Variants in TMEM39B observed in about 807,000 individuals in gnomAD.
TMEM39B encodes transmembrane protein 39B.
TMEM39B carries 23 observed loss-of-function variants against 52.2 expected under a neutral mutation model. The observed-to-expected ratio is 0.44, with a 90% confidence interval of 0.32 to 0.62. The LOEUF (loss-of-function observed/expected upper bound fraction) is 0.62. Among genes scored for constraint, TMEM39B ranks in the 20% least tolerant of loss-of-function variants. TMEM39B has a pLI of 0.06. For missense variants in TMEM39B, 547 were observed against 642.0 expected, an observed-to-expected ratio of 0.85 and a Z score of 1.60; for synonymous variants, 285 against 264.0, an observed-to-expected ratio of 1.08 and a Z score of -0.77.
intron 8 of TMEM39B, 151 bp downstream of exon 8, chr1:32,100,713 C>A: frequency 9.2e-7 from 1 of 1,091,090 alleles, no homozygotes; most frequent in African/African-American, 1.5e-5. Flanking sequence ...CAAGGACAGC[C>A]ATATAAATTG....
At chr1:32,096,633 A>G (rs1321603594) in intron 7 of TMEM39B, among the ~76,000 whole-genome samples, 1 of 150,534 alleles carries the variant, frequency 6.6e-6, no homozygotes, top group East Asian at 2.0e-4. Context: ...GCTAATTTTT[A>G]CGTTTTTAGT....
intron 7 of TMEM39B, among the ~76,000 whole-genome samples, chr1:32,097,679 C>G (rs1640863516): frequency 6.6e-6 from 1 of 151,552 alleles, no homozygotes; most frequent in African/African-American, 2.4e-5. Context: ...GAGTCTCGCT[C>G]TGTCGCCCAG....
Position 32,091,757 on chromosome 1 carries a change from C to G in TMEM39B, c.673C>G (p.Pro225Ala). 1 of 1,614,190 alleles carries G rather than the reference C, an allele frequency of 6.2e-7. No individual in the cohort carries two copies. The highest frequency in any genetic ancestry group is 8.5e-7 in the Non-Finnish European group (1 of 1,180,036). The change falls in exon 6 of 9, where the codon CCC becomes GCC. Residue 225 changes from proline to alanine, a missense_variant. By Grantham distance (27) the Pro-to-Ala change is conservative. Coordinates refer to ENST00000336294, the MANE Select transcript of TMEM39B (RefSeq NM_018056.4). ...CTTCAACCACATGGCCTCCATGGGG[C>G]CCCGGGAGGCGGTCAGTGGCCTGGC... ...SLFNHMASMG[P>A]REAVSGLAKS...
chr1:32,084,095 A>G (rs920510229), intron 5 of TMEM39B, among the ~76,000 whole-genome samples: 1 of 152,152 alleles, frequency 6.6e-6, no homozygotes, highest in Non-Finnish European at 1.5e-5. Flanking sequence ...AGTTTGCTTC[A>G]TGTTTACACC....
intron 1 of TMEM39B, chr1:32,073,856 T>C (rs988372085): frequency 1.0e-6 from 1 of 985,310 alleles, no homozygotes; most frequent in African/African-American, 1.7e-5. Flanking sequence ...TGGAGGCTGC[T>C]GTGTTACTGT....
chr1:32,072,893 G>A, upstream of TMEM39B: 3 of 1,039,420 alleles, frequency 2.9e-6, no homozygotes, highest in Non-Finnish European at 4.0e-6. Flanking sequence ...CCAGCTTCCA[G>A]CCCGCCTTGT....
chr1:32,077,572 A>G (rs1639920281), intron 5 of TMEM39B, among the ~76,000 whole-genome samples: 2 of 152,250 alleles, frequency 1.3e-5, no homozygotes, highest in South Asian at 4.1e-4. Context: ...CTGCATATAT[A>G]TCCCAAAGGA....
chr1:32,088,497 G>C (rs544365994), intron 5 of TMEM39B, among the ~76,000 whole-genome samples: 4 of 151,300 alleles, frequency 2.6e-5, no homozygotes, highest in African/African-American at 9.7e-5. Context: ...TTCTTCGTCT[G>C]TCATCATGTC....
chr1:32,092,016 G>A lies in TMEM39B; in HGVS notation c.927+5G>A, dbSNP rs981049469. ...GTGCCTGTCTGGTTCGTGAAGGTGCGTACCTCAAGCCAGGGAGGGAAAGGG... is the reference window on the plus strand; with the variant it reads ...GTGCCTGTCTGGTTCGTGAAGGTGCATACCTCAAGCCAGGGAGGGAAAGGG... On this transcript the variant is annotated splice_donor_5th_base_variant and intron_variant, in intron 6 of 8. Transcript: ENST00000336294. 1.9e-5 allele frequency: 31 copies of A among 1,610,450 alleles called. No individual in the cohort carries two copies. The highest frequency in any genetic ancestry group is 3.3e-5 in the South Asian group (3 of 90,752).
chr1:32,079,631 T>C (rs1272099064), intron 5 of TMEM39B, among the ~76,000 whole-genome samples: 1 of 152,060 alleles, frequency 6.6e-6, no homozygotes, highest in Admixed American at 6.6e-5. Context: ...ATTCCTCGGC[T>C]CAAGCAATCC....
chr1:32,094,631 G>A (rs1167360103), intron 6 of TMEM39B, among the ~76,000 whole-genome samples, 153 bp from the exon 7 acceptor site: 2 of 152,186 alleles, frequency 1.3e-5, no homozygotes, highest in Admixed American at 6.6e-5. Context: ...CAGGGCCTAA[G>A]CCTTGTTTGT....
At chr1:32,099,622 G>A (rs1277447751) in intron 7 of TMEM39B, among the ~76,000 whole-genome samples, 1 of 152,188 alleles carries the variant, frequency 6.6e-6, no homozygotes, top group Non-Finnish European at 1.5e-5. Flanking sequence ...ACGTGAAGCA[G>A]TACAGAGTGC....
chr1:32,073,564 G>A (rs932291085), intron 1 of TMEM39B: 62 of 991,336 alleles, frequency 6.3e-5, no homozygotes, highest in Admixed American at 3.0e-4. Context: ...TGGGCTGAGG[G>A]GCTTTATGTG....
intron 5 of TMEM39B, among the ~76,000 whole-genome samples, chr1:32,091,365 G>A (rs1363921965): frequency 2.0e-5 from 3 of 152,334 alleles, no homozygotes; most frequent in South Asian, 4.1e-4. Context: ...CGAGCCCAGC[G>A]AATGTGGGCT....
intron 5 of TMEM39B, among the ~76,000 whole-genome samples, chr1:32,087,218 T>A (rs1193165595): frequency 6.7e-6 from 1 of 149,910 alleles, no homozygotes; most frequent in Non-Finnish European, 1.5e-5. Context: ...TTCAGGAGGC[T>A]GATGCAGGAG....
chr1:32,075,754 C>G lies in TMEM39B; in HGVS notation c.283C>G (p.His95Asp). 1.3e-6 allele frequency: 2 copies of G among 1,551,242 alleles called. No individual in the cohort carries two copies. Among genetic ancestry groups the G allele is most frequent in the Non-Finnish European group, 1.7e-6 (2 of 1,146,678 alleles). Residue 95 changes from histidine (H) to aspartate (D), a missense_variant, in exon 3 of 9, where the codon CAC becomes GAC. Coordinates refer to ENST00000336294, the MANE Select transcript of TMEM39B (RefSeq NM_018056.4). ...CTGCCAGCTCATAGCACTCTTCGTCCACTACATCAACATCTACAAGACAGT... is the reference window on the plus strand; with the variant it reads ...CTGCCAGCTCATAGCACTCTTCGTCGACTACATCAACATCTACAAGACAGT... ...FFCQLIALFV[H>D]YINIYKTVWW... is the part of the protein sequence containing the mutation.
At chr1:32,080,901 A>G (rs1390797738) in intron 5 of TMEM39B, among the ~76,000 whole-genome samples, 2 of 151,980 alleles carry the variant, frequency 1.3e-5, no homozygotes, top group Admixed American at 6.6e-5. Flanking sequence ...ACGGTAGCTC[A>G]TGCCTGTGAT....
rs1370428854 is a variant in TMEM39B, at chr1:32,075,920, TA to T, written c.351+100del. 17 of 796,594 alleles carry T rather than the reference TA, an allele frequency of 2.1e-5. No homozygotes were observed. In the East Asian group the frequency reaches 3.6e-4, roughly 17 times the overall value. The allele number at this position is 796,594 out of a possible 1,614,324, so 49.3% of individuals were successfully genotyped here. On this transcript the variant is annotated intron_variant, in intron 3 of 8. Transcript: ENST00000336294. ...TTGGTTTCAGTTTAGCATATCCTAC[TA>T]AGCACCACTGTGCACTTGGCTCCAT...
intron 5 of TMEM39B, among the ~76,000 whole-genome samples, chr1:32,081,300 C>G (rs1290188052): frequency 6.6e-6 from 1 of 150,704 alleles, no homozygotes; most frequent in African/African-American, 2.4e-5. Flanking sequence ...GAGTCAGGGT[C>G]TGGCTCTGTT....
Sources: allele counts gnomAD v4.1 joint callset (sites outside exome capture counted in the v4.1 genomes callset), GRCh38; gene constraint gnomAD v4.1.1; transcripts MANE v1.5; gene names NCBI Gene and HGNC (gene_info 2026-07-23, HGNC 2026-07-21).